The following TMEM178B variants were observed in gnomAD, a reference collection of about 807,000 sequenced individuals.
The protein encoded by TMEM178B is transmembrane protein 178B.
A neutral mutation model predicts 31.0 loss-of-function variants in TMEM178B; 5 were observed. The observed-to-expected ratio is 0.16, with a 90% confidence interval of 0.08 to 0.34. The LOEUF is 0.34. Ranked by LOEUF, TMEM178B falls within the 10% of genes least tolerant of loss-of-function variation. The probability of loss-of-function intolerance (pLI) is 1.00; values close to 1 mark genes in which losing one functional copy is unlikely to be tolerated. For synonymous variants in TMEM178B, 164 were observed against 164.0 expected (o/e 1.00, Z 0.00); for missense variants, 275 against 400.3 (o/e 0.69, Z 2.67).
intron 3 of TMEM178B, among the ~76,000 whole-genome samples, chr7:141,439,270 G>A (rs761959250): frequency 2.0e-5 from 3 of 152,134 alleles, no homozygotes; most frequent in East Asian, 1.9e-4. Flanking sequence ...TAAAAAAACC[G>A]TCTGCTGTTA....
intron 2 of TMEM178B, among the ~76,000 whole-genome samples, chr7:141,245,230 T>TAGGAGGAG (rs1475700078): frequency 1.1e-5 from 1 of 88,364 alleles, no homozygotes; most frequent in East Asian, 3.3e-4. Context: ...ACAGGGGAGG[T>TAGGAGGAG]AGGAGGAGAG....
At chr7:141,245,881 T>A (rs1797722785) in intron 2 of TMEM178B, among the ~76,000 whole-genome samples, 1 of 152,234 alleles carries the variant, frequency 6.6e-6, no homozygotes, top group African/African-American at 2.4e-5. Flanking sequence ...TGGAGACAGA[T>A]GTAAATCCAC....
chr7:141,396,321 A>G (rs1054191277), intron 2 of TMEM178B, among the ~76,000 whole-genome samples: 17 of 152,230 alleles, frequency 1.1e-4, no homozygotes, highest in African/African-American at 3.9e-4. Flanking sequence ...ACATGTTAAA[A>G]GAGGCAAATA....
chr7:141,417,066 A>G (rs1461400736), intron 2 of TMEM178B, among the ~76,000 whole-genome samples: 3 of 152,212 alleles, frequency 2.0e-5, no homozygotes, highest in Non-Finnish European at 2.9e-5. Flanking sequence ...CCTGTAAGTG[A>G]GCTGTGTACA....
intron 1 of TMEM178B, among the ~76,000 whole-genome samples, chr7:141,143,443 A>G (rs374692586): frequency 1.9e-4 from 29 of 152,336 alleles, no homozygotes; most frequent in East Asian, 7.7e-4. Context: ...ATGGCTAGCC[A>G]GCTATCCCAG....
At chr7:141,177,438 G>A (rs1796452163) in intron 1 of TMEM178B, among the ~76,000 whole-genome samples, 1 of 152,174 alleles carries the variant, frequency 6.6e-6, no homozygotes, top group Non-Finnish European at 1.5e-5. Flanking sequence ...GGGGTGGAGA[G>A]TTCTGTAGAT....
chr7:141,324,422 T>TG (rs1799152555), intron 2 of TMEM178B, among the ~76,000 whole-genome samples: 4 of 48,006 alleles, frequency 8.3e-5, no homozygotes, highest in African/African-American at 2.7e-4. Flanking sequence ...CAGGGTTTTT[T>TG]TTTTTTTTTT....
the TMEM178B span, among the ~76,000 whole-genome samples, chr7:141,510,746 T>C: frequency 7.7e-6 from 1 of 129,986 alleles, no homozygotes; most frequent in Admixed American, 8.4e-5. Flanking sequence ...AAGTGCTTGG[T>C]GGATCCAGGC....
At chr7:141,253,838 C>T (rs1356770683) in intron 2 of TMEM178B, among the ~76,000 whole-genome samples, 1 of 152,062 alleles carries the variant, frequency 6.6e-6, no homozygotes, top group Non-Finnish European at 1.5e-5. Flanking sequence ...AGGCGTGAGC[C>T]ACCGCGCCCG....
chr7:141,328,191 C>A (rs1207966828), intron 2 of TMEM178B, among the ~76,000 whole-genome samples: 1 of 152,182 alleles, frequency 6.6e-6, no homozygotes, highest in African/African-American at 2.4e-5. Context: ...CATCACATTT[C>A]TTCTGGAGGC....
At chr7:141,313,294 T>C (rs1798945571) in intron 2 of TMEM178B, among the ~76,000 whole-genome samples, 1 of 152,188 alleles carries the variant, frequency 6.6e-6, no homozygotes, top group South Asian at 2.1e-4. Context: ...ATGTCCTTTC[T>C]GGCAACCACT....
intron 1 of TMEM178B, among the ~76,000 whole-genome samples, chr7:141,198,691 C>T (rs866000865): frequency 1.3e-5 from 2 of 152,230 alleles, no homozygotes; most frequent in Non-Finnish European, 2.9e-5. Flanking sequence ...TCTGTCTCCA[C>T]TTCCTGGGTC....
chr7:141,320,648 T>G (rs150042826), intron 2 of TMEM178B, among the ~76,000 whole-genome samples: 380 of 152,314 alleles, frequency 2.5e-3, no homozygotes, highest in African/African-American at 8.3e-3. Flanking sequence ...TCATCATCTG[T>G]TTATATATTC....
chr7:141,215,337 A>ATTATTATTATTATTATTTTTTT (rs55726735), intron 2 of TMEM178B, among the ~76,000 whole-genome samples: 1 of 141,486 alleles, frequency 7.1e-6, no homozygotes. Flanking sequence ...TATTATTATT[A>ATTATTATTATTATTATTTTTTT]TTTTTTGAGA....
chr7:141,312,919 A>G (rs1379410883), intron 2 of TMEM178B, among the ~76,000 whole-genome samples: 3 of 152,312 alleles, frequency 2.0e-5, no homozygotes, highest in East Asian at 3.9e-4. Context: ...TTTTAAGATA[A>G]GCACCTTAAA....
At chr7:141,094,584 G>T (rs1014609723) in intron 1 of TMEM178B, among the ~76,000 whole-genome samples, 1 of 152,192 alleles carries the variant, frequency 6.6e-6, no homozygotes, top group Non-Finnish European at 1.5e-5. Flanking sequence ...GTGACACGCT[G>T]TGTCTTGAAG....
At chr7:141,284,201 A>T (rs1286232454) in intron 2 of TMEM178B, among the ~76,000 whole-genome samples, 1 of 152,196 alleles carries the variant, frequency 6.6e-6, no homozygotes, top group Non-Finnish European at 1.5e-5. Context: ...ATGCCACGCG[A>T]TTCGGGAGTT....
chr7:141,438,841 A>C (rs73510443), intron 3 of TMEM178B, among the ~76,000 whole-genome samples: 2,227 of 147,524 alleles, frequency 0.015, 58 homozygotes, highest in African/African-American at 0.051. Context: ...GTGCCACTGC[A>C]CTCCAACCTT....
chr7:141,224,700 A>G (rs1214870635), intron 2 of TMEM178B, among the ~76,000 whole-genome samples: 1 of 152,186 alleles, frequency 6.6e-6, no homozygotes, highest in Admixed American at 6.5e-5. Context: ...GTGGACTCAG[A>G]TGGAGTTCAG....
Sources: gnomAD v4.1 joint callset for allele counts (sites outside exome capture counted in the v4.1 genomes callset) on GRCh38, gnomAD v4.1.1 for gene constraint, MANE v1.5 for transcripts, NCBI Gene and HGNC (gene_info 2026-07-23, HGNC 2026-07-21) for gene names.